Variants in GEN1 observed in about 807,000 individuals in gnomAD.
The protein encoded by GEN1 is GEN1 structure-specific endonuclease, also known as flap endonuclease GEN homolog 1.
In GEN1, 64 loss-of-function variants were observed where a neutral mutation model predicts 67.6. The ratio of observed to expected loss-of-function variants is 0.95; its 90% CI spans 0.77 to 1.17. The LOEUF (loss-of-function observed/expected upper bound fraction) is 1.17, where lower values mean the gene tolerates loss of function less well. Among genes scored for constraint, GEN1 ranks in the 50% most tolerant of loss-of-function variants. The pLI is 0.00. For synonymous variants in GEN1, 371 were observed against 359.4 expected (o/e 1.03, Z -0.37); for missense variants, 1,058 against 1,048.3 (o/e 1.01, Z -0.13).
intron 1 of GEN1, chr2:17,755,204 G>A (rs1322606555): frequency 6.6e-6 from 1 of 152,230 alleles, no homozygotes; most frequent in Non-Finnish European, 1.5e-5. Flanking sequence ...TGGCCTTGTT[G>A]TAACCAATGG....
chr2:17,766,295 G>T (rs1317765827), intron 4 of GEN1, among the ~76,000 whole-genome samples: 1 of 152,070 alleles, frequency 6.6e-6, no homozygotes, highest in Non-Finnish European at 1.5e-5. Flanking sequence ...AGCCTCCCAA[G>T]TAACTGGGAC....
chr2:17,783,648 A>G lies in GEN1; in HGVS notation c.*1709A>G, dbSNP rs2125187221. On this transcript the variant is annotated 3_prime_UTR_variant, in exon 14 of 14. Coordinates refer to ENST00000381254, the MANE Select transcript of GEN1 (RefSeq NM_001130009.3). ...GGTATAAAGGTAGACATATAGGTCA[A>G]TATAGATCAATGGCATAGAATTGAG... 1 of 152,352 alleles carries G rather than the reference A, an allele frequency of 6.6e-6. No individual in the cohort carries two copies. Among genetic ancestry groups the G allele is most frequent in the African/African-American group, 2.4e-5 (1 of 41,586 alleles). The allele number at this position is 152,352 out of a possible 1,614,324, so 9.4% of individuals were successfully genotyped here.
chr2:17,777,169 T>C (rs902500325), intron 11 of GEN1, among the ~76,000 whole-genome samples: 1 of 151,950 alleles, frequency 6.6e-6, no homozygotes. Context: ...AAGGATATAC[T>C]TCAGCAAGAA....
chr2:17,758,462 G>A (rs980783775), intron 1 of GEN1, among the ~76,000 whole-genome samples: 3 of 152,134 alleles, frequency 2.0e-5, no homozygotes, highest in African/African-American at 7.2e-5. Flanking sequence ...ATGACTTTGA[G>A]AATATTTGTA....
At chr2:17,765,959 A>G (rs965468525) in intron 4 of GEN1, among the ~76,000 whole-genome samples, 2 of 151,546 alleles carry the variant, frequency 1.3e-5, no homozygotes, top group East Asian at 3.8e-4. Context: ...ATATATATAT[A>G]TATATATGTT....
rs546083688 is a variant in GEN1 at position 17,772,897 on chromosome 2, T to A, written c.953+113T>A. 2.9e-5 allele frequency: 32 copies of A among 1,092,554 alleles called. 1 individual carries two copies. The African/African-American group carries it at 4.0e-4, about 14-fold the overall frequency. 67.7% of individuals were successfully genotyped at this position (1,092,554 alleles called of 1,614,324 possible). ...TATCTAGATTAGTCACATGTTTAAC[T>A]AAATTTTTTTTTCATTTCTGTTCAA... is the stretch of plus-strand genomic sequence containing the variant. On this transcript the variant is annotated intron_variant, in intron 8 of 13. Coordinates refer to ENST00000381254, the MANE Select transcript of GEN1 (RefSeq NM_001130009.3).
At chr2:17,754,708 G>A (rs1175696383) in intron 1 of GEN1, 1 of 152,228 alleles carries the variant, frequency 6.6e-6, no homozygotes, top group African/African-American at 2.4e-5. Flanking sequence ...GGCACAGTTG[G>A]GTGTTCCCTT....
At position 17,781,167 on chromosome 2, in the gene GEN1, A is replaced by C. The variant is rs141313079; in HGVS notation, c.1955A>C (p.Asp652Ala). 1.5e-5 allele frequency: 24 copies of C among 1,613,926 alleles called. No individual in the cohort carries two copies. The highest frequency in any genetic ancestry group is 1.9e-5 in the Non-Finnish European group (23 of 1,179,872). ...AAGAAAGTGTTGGATGAGGATTCTG[A>C]TGGGATTAGTCCTGAAGAGCATCTA... ...NIKKVLDEDSDGISPEEHLLS... is the reference protein window; with the variant it reads ...NIKKVLDEDSAGISPEEHLLS... The change falls in exon 14 of 14, where the codon GAT (aspartate) becomes GCT (alanine). Residue 652 changes from aspartate (D) to alanine (A), a missense_variant. Asp to Ala is a moderately radical substitution (Grantham distance 126). Coordinates refer to ENST00000381254, the MANE Select transcript of GEN1 (RefSeq NM_001130009.3).
intron 3 of GEN1, among the ~76,000 whole-genome samples, chr2:17,762,199 GGTT>G (rs1671717206): frequency 7.0e-6 from 1 of 142,454 alleles, no homozygotes; most frequent in Non-Finnish European, 1.5e-5. Flanking sequence ...TTCTTTTTTT[GGTT>G]GTTTTTTTTT....
intron 12 of GEN1, 128 bp downstream of exon 12, chr2:17,778,191 C>CACATATATGTGTGTATATATATGTAT: frequency 2.5e-6 from 1 of 403,996 alleles, no homozygotes; most frequent in South Asian, 2.9e-5. Flanking sequence ...TATATATACA[C>CACATATATGTGTGTATATATATGTAT]ACACACATAT....
Position 17,766,585 on chromosome 2 carries a change from C to A in GEN1, c.532C>A (p.His178Asn), listed in dbSNP as rs747865652. 74 of 1,565,094 alleles carry A rather than the reference C, an allele frequency of 4.7e-5. No homozygotes were observed. The highest frequency in any genetic ancestry group is 1.4e-5 in the African/African-American group (1 of 73,770). ...AAATCTGTTCTTTCTTTAGGACCCA[C>A]ATGTTGACTGTTACACAATGTCATC... ...RNFTMNTKDP[H>N]VDCYTMSSIK... The change falls in exon 5 of 14, where the codon CAT becomes AAT. Residue 178 changes from histidine to asparagine, a missense_variant. By Grantham distance (68) the His-to-Asn change is moderately conservative. Coordinates refer to ENST00000381254, the MANE Select transcript of GEN1 (RefSeq NM_001130009.3).
In GEN1 at chr2:17,780,961, A is replaced by C. The variant is rs369210961; in HGVS notation, c.1749A>C (p.Leu583=). The change falls in exon 14 of 14, where the codon CTA becomes CTC. Residue 583 remains leucine, a synonymous_variant. Coordinates refer to ENST00000381254, the MANE Select transcript of GEN1 (RefSeq NM_001130009.3). The stretch of plus-strand genomic sequence containing the variant: ...ATAATATATCCGTGATTGCTGATCT[A>C]CACTTGAGCACTATTGACTGGGAAG... ...SSHNISVIAD[L]HLSTIDWEGT... The C allele has an allele frequency of 4.8e-5, 77 of 1,613,606 alleles. No homozygotes were observed. The African/African-American group carries it at 9.5e-4, about 20-fold the overall frequency.
chr2:17,776,889 C>A (rs1672458678), intron 11 of GEN1, among the ~76,000 whole-genome samples: 1 of 152,154 alleles, frequency 6.6e-6, no homozygotes, highest in African/African-American at 2.4e-5. Context: ...CTTTGGGAGA[C>A]CAAAGCAGGC....
intron 1 of GEN1, among the ~76,000 whole-genome samples, chr2:17,757,482 GC>G (rs892870721): frequency 2.0e-5 from 3 of 151,866 alleles, no homozygotes; most frequent in Non-Finnish European, 4.4e-5. Flanking sequence ...AAACATCACT[GC>G]ACTAGGTGGC....
chr2:17,774,334 TTGACCCATTATGACATGATAGA>T lies in GEN1; in HGVS notation c.1136_1157del (p.Leu379Ter), dbSNP rs1171294579. 1.5e-5 allele frequency: 24 copies of T among 1,605,406 alleles called. No individual in the cohort carries two copies. Among genetic ancestry groups the T allele is most frequent in the Non-Finnish European group, 2.0e-5 (24 of 1,173,754 alleles). On this transcript the variant is annotated frameshift_variant, in exon 11 of 14. Transcript: ENST00000381254. LOFTEE classifies it high-confidence loss of function. The stretch of plus-strand genomic sequence containing the variant: ...TGCATGTGAGAAATTGCTGGTACTT[TTGACCCATTATGACATGATAGA>T]AAGAAAGCTTGGTAGCAGAAACTCT...
intron 4 of GEN1, among the ~76,000 whole-genome samples, chr2:17,765,711 G>A (rs1671896501): frequency 6.6e-6 from 1 of 152,168 alleles, no homozygotes; most frequent in South Asian, 2.1e-4. Flanking sequence ...TCCATATGAT[G>A]TAATACAGTG....
chr2:17,765,836 A>C (rs938780981), intron 4 of GEN1, among the ~76,000 whole-genome samples: 3 of 152,176 alleles, frequency 2.0e-5, no homozygotes, highest in Non-Finnish European at 4.4e-5. Flanking sequence ...AACGTAATTA[A>C]CAATAAATAT....
At chr2:17,760,208 C>A in intron 2 of GEN1, 104 bp downstream of exon 2, 2 of 1,127,498 alleles carry the variant, frequency 1.8e-6, no homozygotes, top group Non-Finnish European at 2.5e-6. Context: ...TATTCTTTTA[C>A]ATTTTGAGGT....
chr2:17,755,423 C>T (rs979576951), intron 1 of GEN1: 5 of 152,170 alleles, frequency 3.3e-5, no homozygotes, highest in African/African-American at 1.2e-4. Flanking sequence ...ACCTATAAAG[C>T]TTTCCTGTTA....
Sources: gnomAD v4.1 joint callset for allele counts (sites outside exome capture counted in the v4.1 genomes callset) on GRCh38, gnomAD v4.1.1 for gene constraint, MANE v1.5 for transcripts, NCBI Gene and HGNC (gene_info 2026-07-23, HGNC 2026-07-21) for gene names.